The following SGCG variants were observed in gnomAD, a reference collection of about 807,000 sequenced individuals.
The protein encoded by SGCG is sarcoglycan gamma.
Under a neutral mutation model 29.3 loss-of-function variants are expected in SGCG, and 26 were observed. The observed-to-expected ratio is 0.89, with a 90% CI of 0.65 to 1.23. The LOEUF is 1.23. SGCG is among the 50% of genes most tolerant of loss of function. The pLI, the probability that SGCG is intolerant of heterozygous loss-of-function variation, is 0.00. For synonymous variants in SGCG, 145 were observed against 129.7 expected, an observed-to-expected ratio of 1.12 and a Z score of -0.80; for missense variants, 353 against 356.0, an observed-to-expected ratio of 0.99 and a Z score of 0.07.
intron 2 of SGCG, among the ~76,000 whole-genome samples, chr13:23,219,148 C>T (rs551572198): frequency 2.6e-5 from 4 of 151,440 alleles, no homozygotes; most frequent in South Asian, 2.1e-4. Flanking sequence ...CCTGGGTTCA[C>T]GCCATTCTCT....
chr13:23,264,192 T>C (rs1053972888), intron 4 of SGCG, among the ~76,000 whole-genome samples: 1 of 151,984 alleles, frequency 6.6e-6, no homozygotes, highest in Non-Finnish European at 1.5e-5. Flanking sequence ...TACACACTCC[T>C]CCAGAAGACT....
At chr13:23,216,676 A>G (rs75503230) in intron 2 of SGCG, among the ~76,000 whole-genome samples, 4,637 of 152,174 alleles carry the variant, frequency 0.03, 254 homozygotes, top group African/African-American at 0.11. Context: ...ATTTGCTGAG[A>G]GGTATATATA....
chr13:23,225,079 G>A (rs1227510279), intron 2 of SGCG, among the ~76,000 whole-genome samples: 1 of 152,140 alleles, frequency 6.6e-6, no homozygotes, highest in East Asian at 1.9e-4. Context: ...CCCAGCTGGT[G>A]TAAATACTCA....
intron 4 of SGCG, among the ~76,000 whole-genome samples, chr13:23,274,459 G>C (rs1222545898): frequency 7.3e-6 from 1 of 136,066 alleles, no homozygotes; most frequent in East Asian, 2.2e-4. Context: ...CTGGAGTGCA[G>C]TGGTGCGATC....
At chr13:23,287,074 G>A (rs759671951) in intron 5 of SGCG, among the ~76,000 whole-genome samples, 3 of 152,186 alleles carry the variant, frequency 2.0e-5, no homozygotes, top group Non-Finnish European at 4.4e-5. Flanking sequence ...CCCCCACTGA[G>A]CCCTGTATAT....
intron 4 of SGCG, among the ~76,000 whole-genome samples, chr13:23,278,312 G>T (rs1417123616): frequency 6.6e-6 from 1 of 151,998 alleles, no homozygotes; most frequent in Non-Finnish European, 1.5e-5. Flanking sequence ...GCGTGGTGGC[G>T]CATGCCTGTA....
the SGCG span, among the ~76,000 whole-genome samples, chr13:23,165,289 C>G: frequency 6.6e-6 from 1 of 151,896 alleles, no homozygotes; most frequent in Non-Finnish European, 1.5e-5. Context: ...TGTTTTTGAA[C>G]AATGAAAGAG....
At chr13:23,201,130 T>TGACCCAGGTGAAA (rs1877735214) in intron 1 of SGCG, among the ~76,000 whole-genome samples, 1 of 151,572 alleles carries the variant, frequency 6.6e-6, no homozygotes, top group Non-Finnish European at 1.5e-5. Context: ...GCTGTTGCAG[T>TGACCCAGGTGAAA]GACCCAGGTG....
At chr13:23,212,634 C>T (rs572303) in intron 2 of SGCG, among the ~76,000 whole-genome samples, 46,966 of 151,972 alleles carry the variant, frequency 0.31, 7,648 homozygotes, top group Middle Eastern at 0.48. Flanking sequence ...AATAACTGAA[C>T]CCCTCAAAGG....
At position 23,324,497 on chromosome 13, in the gene SGCG, G is replaced by A. The variant is rs147820869; in HGVS notation, c.832G>A (p.Gly278Ser). The change falls in exon 8 of 8, where the codon GGT (glycine) becomes AGT (serine). Residue 278 changes from glycine to serine, a missense_variant. By Grantham distance (56) the Gly-to-Ser change is moderately conservative. Coordinates refer to ENST00000218867, the MANE Select transcript of SGCG (RefSeq NM_000231.3). Reference sequence around the variant, plus strand: ...TGGGAAGCTGTACCTGTCTGTGGCCGGTGTGAGCACCACGTGCCAGGAGCA... The same window carrying A: ...TGGGAAGCTGTACCTGTCTGTGGCCAGTGTGAGCACCACGTGCCAGGAGCA... Reference protein sequence around the residue: ...PDGKLYLSVAGVSTTCQEHNH... With the variant: ...PDGKLYLSVASVSTTCQEHNH... 521 of 1,613,298 alleles carry A rather than the reference G, an allele frequency of 3.2e-4. 3 individuals carry two copies. Among genetic ancestry groups the A allele is most frequent in the East Asian group, 9.4e-4 (42 of 44,860 alleles).
chr13:23,242,920 G>A (rs1593192812), intron 3 of SGCG, among the ~76,000 whole-genome samples: 2 of 152,146 alleles, frequency 1.3e-5, no homozygotes, highest in East Asian at 3.9e-4. Flanking sequence ...ATAAACTTCA[G>A]TTTTCTTACC....
At chr13:23,191,877 A>G (rs1877270812) in intron 1 of SGCG, among the ~76,000 whole-genome samples, 1 of 152,174 alleles carries the variant, frequency 6.6e-6, no homozygotes, top group Non-Finnish European at 1.5e-5. Context: ...GTACTCGGAC[A>G]CTGAGATGTA....
chr13:23,295,491 A>G lies in SGCG; in HGVS notation c.578+4A>G. 1 of 1,609,534 alleles carries G rather than the reference A, an allele frequency of 6.2e-7. No individual in the cohort carries two copies. Among genetic ancestry groups the G allele is most frequent in the Non-Finnish European group, 8.5e-7 (1 of 1,175,820 alleles). On this transcript the variant is annotated splice_donor_region_variant and intron_variant, in intron 6 of 7. Coordinates refer to ENST00000218867, the MANE Select transcript of SGCG (RefSeq NM_000231.3). ...CCGACCCGTTTCAAGACCTTAGGTAAGAATTTTTGTTCAAATATTAACAAC... is the reference window on the plus strand; with the variant it reads ...CCGACCCGTTTCAAGACCTTAGGTAGGAATTTTTGTTCAAATATTAACAAC...
chr13:23,251,918 A>G (rs1461486069), intron 4 of SGCG, among the ~76,000 whole-genome samples: 1 of 152,166 alleles, frequency 6.6e-6, no homozygotes, highest in Non-Finnish European at 1.5e-5. Flanking sequence ...AAACAGAATA[A>G]TGTTACATGG....
intron 2 of SGCG, among the ~76,000 whole-genome samples, chr13:23,205,804 A>G (rs1877961687): frequency 6.6e-6 from 1 of 152,028 alleles, no homozygotes; most frequent in African/African-American, 2.4e-5. Flanking sequence ...CATTTGCTTC[A>G]GTTAGGAACC....
chr13:23,228,432 CTTTTT>C (rs75289837), intron 2 of SGCG, among the ~76,000 whole-genome samples: 1 of 151,770 alleles, frequency 6.6e-6, no homozygotes, highest in Non-Finnish European at 1.5e-5. Context: ...TCAATTCCTA[CTTTTT>C]TTCTTTTTAA....
At chr13:23,249,401 G>A (rs1318926158) in intron 3 of SGCG, among the ~76,000 whole-genome samples, 1 of 152,142 alleles carries the variant, frequency 6.6e-6, no homozygotes, top group African/African-American at 2.4e-5. Flanking sequence ...ATTTTAGAAA[G>A]GCAGCTATTT....
rs563054316 is a variant in SGCG, at chr13:23,324,304, G to C, written c.703-64G>C. ...ACTAATTGGAAATCTTGTGAGAATGGGGATTTGCTGCTGACCAGGGTGGCC... is the reference window on the plus strand; with the variant it reads ...ACTAATTGGAAATCTTGTGAGAATGCGGATTTGCTGCTGACCAGGGTGGCC... On this transcript the variant is annotated intron_variant, in intron 7 of 7. Coordinates refer to ENST00000218867, the MANE Select transcript of SGCG (RefSeq NM_000231.3). The C allele has an allele frequency of 2.0e-6, 3 of 1,466,066 alleles. No homozygotes were observed. In the African/African-American group the frequency reaches 4.2e-5, roughly 20 times the overall value. The allele number at this position is 1,466,066 out of a possible 1,614,324, so 90.8% of individuals were successfully genotyped here.
chr13:23,297,421 T>G (rs985210371), intron 6 of SGCG, among the ~76,000 whole-genome samples: 2 of 152,284 alleles, frequency 1.3e-5, no homozygotes, highest in East Asian at 3.9e-4. Flanking sequence ...CACATATTTA[T>G]TAACAGCAAG....
Sources: gnomAD v4.1 joint callset for allele counts (sites outside exome capture counted in the v4.1 genomes callset) on GRCh38, gnomAD v4.1.1 for gene constraint, MANE v1.5 for transcripts, NCBI Gene and HGNC (gene_info 2026-07-23, HGNC 2026-07-21) for gene names.